EP400: variants seen among roughly 807,000 people sequenced by gnomAD.
EP400 encodes the protein E1A-binding protein p400.
A neutral mutation model predicts 354.1 loss-of-function variants in EP400; 105 were observed. The ratio of observed to expected loss-of-function variants is 0.30; its 90% CI spans 0.25 to 0.35. The LOEUF (loss-of-function observed/expected upper bound fraction) is 0.35, where lower values mean the gene tolerates loss of function less well. Among genes scored for constraint, EP400 ranks in the 10% least tolerant of loss-of-function variants. EP400 has a pLI of 1.00. For synonymous variants in EP400, 1,646 were observed against 1,716.9 expected, an observed-to-expected ratio of 0.96 and a Z score of 1.02; for missense variants, 3,280 against 4,121.0, an observed-to-expected ratio of 0.80 and a Z score of 5.59.
chr12:132,040,452 T>C (rs758025056), intron 32 of EP400, among the ~76,000 whole-genome samples: 8 of 152,202 alleles, frequency 5.3e-5, no homozygotes, highest in South Asian at 2.1e-4. Flanking sequence ...AGCCAGGACA[T>C]GGAATCAACC....
chr12:131,951,242 G>A (rs1891478004), intron 1 of EP400, among the ~76,000 whole-genome samples: 1 of 151,432 alleles, frequency 6.6e-6, no homozygotes, highest in Non-Finnish European at 1.5e-5. Context: ...AGTAGAGACG[G>A]GGTTTCACTG....
At chr12:131,976,714 A>G (rs1397020918) in intron 2 of EP400, among the ~76,000 whole-genome samples, 3 of 152,160 alleles carry the variant, frequency 2.0e-5, no homozygotes, top group African/African-American at 7.2e-5. Context: ...TGTCTCAAAA[A>G]AACAAAAAAC....
At chr12:132,015,703 G>A (rs573867186) in intron 19 of EP400, among the ~76,000 whole-genome samples, 77 of 152,170 alleles carry the variant, frequency 5.1e-4, no homozygotes, top group Non-Finnish European at 8.8e-4. Flanking sequence ...GCAGGAGAGC[G>A]CTTGGACTCC....
intron 12 of EP400, among the ~76,000 whole-genome samples, chr12:132,001,754 C>T (rs1288347735): frequency 6.6e-6 from 1 of 152,224 alleles, no homozygotes; most frequent in African/African-American, 2.4e-5. Flanking sequence ...AAGGCTCGCA[C>T]TCTTGTCTTC....
chr12:132,025,515 G>C lies in EP400; in HGVS notation c.4856-131G>C. 3.6e-6 allele frequency: 4 copies of C among 1,102,628 alleles called. No individual in the cohort carries two copies. The highest frequency in any genetic ancestry group is 5.0e-6 in the Non-Finnish European group (4 of 800,716). The allele number at this position is 1,102,628 out of a possible 1,614,324, so 68.3% of individuals were successfully genotyped here. ...ACTTTCCTCACAGTAACTGAACTTT[G>C]CATTGATTTTTTTGTGTAGATTTGA... On this transcript the variant is annotated intron_variant, in intron 24 of 52. Transcript: ENST00000389561. This position sits in a 1 kb window ranked among gnomAD's most constrained non-coding sequence, Gnocchi z 4.1.
chr12:131,987,674 G>T, intron 6 of EP400, 31 bp from the exon 7 acceptor site: 3 of 1,530,552 alleles, frequency 2.0e-6, no homozygotes, highest in Non-Finnish European at 2.6e-6. Context: ...ATCACATGCC[G>T]ACCCCACCAT....
rs1181710491 is a variant in EP400, at chr12:132,070,877, T to G, written c.9021+1236T>G. ...TTCTGTCTCTGGCTGTTGTACATTTTTGTACATTAGTTTTTTATTCTGGCC... is the reference window on the plus strand; with the variant it reads ...TTCTGTCTCTGGCTGTTGTACATTTGTGTACATTAGTTTTTTATTCTGGCC... On this transcript the variant is annotated intron_variant, in intron 51 of 52. Coordinates refer to ENST00000389561, the MANE Select transcript of EP400 (RefSeq NM_015409.5). The surrounding 1 kb of genome is among the most constrained non-coding windows in gnomAD (Gnocchi z 4.1). 6.6e-6 allele frequency among the ~76,000 whole-genome samples: 1 copy of G among 152,256 alleles called. No homozygotes were observed. Among genetic ancestry groups the G allele is most frequent in the Non-Finnish European group, 1.5e-5 (1 of 68,050 alleles).
rs775617024 is a variant in EP400 at position 132,076,441 on chromosome 12, GA to G, written c.9022-72del. 7 of 1,461,000 alleles carry G rather than the reference GA, an allele frequency of 4.8e-6. No homozygotes were observed. The South Asian group carries it at 8.3e-5, about 17-fold the overall frequency. The allele number at this position is 1,461,000 out of a possible 1,614,324, so 90.5% of individuals were successfully genotyped here. A position where few individuals can be genotyped will look rare whatever the true frequency, so the allele number is the denominator to read the frequency against. ...GTGTTTTTTGCATTAACTGAGGACAGAAAGGGAGGAAAAATCTCTTTTTGTG... is the reference window on the plus strand; with the variant it reads ...GTGTTTTTTGCATTAACTGAGGACAGAAGGGAGGAAAAATCTCTTTTTGTG... On this transcript the variant is annotated intron_variant, in intron 51 of 52. Coordinates refer to ENST00000389561, the MANE Select transcript of EP400 (RefSeq NM_015409.5).
At chr12:131,982,556 C>T (rs1892718288) in intron 5 of EP400, 78 bp downstream of exon 5, 3 of 1,486,958 alleles carry the variant, frequency 2.0e-6, no homozygotes, top group East Asian at 2.3e-5. Flanking sequence ...CAGAGTGTCA[C>T]ACCACACTGT....
intron 3 of EP400, among the ~76,000 whole-genome samples, chr12:131,980,946 C>T (rs1250257964): frequency 6.6e-6 from 1 of 152,218 alleles, no homozygotes; most frequent in Non-Finnish European, 1.5e-5. Flanking sequence ...CAATTGCCCA[C>T]CAAAAGGACA....
Position 132,062,699 on chromosome 12 carries a change from C to G in EP400, c.8332C>G (p.Pro2778Ala), listed in dbSNP as rs1375381161. 6.2e-7 allele frequency: 1 copy of G among 1,613,288 alleles called. No homozygotes were observed. The highest frequency in any genetic ancestry group is 1.3e-5 in the African/African-American group (1 of 74,902). Residue 2778 changes from proline (P) to alanine (A), a missense_variant and splice_region_variant, in exon 47 of 53, where the codon CCG becomes GCG. Physicochemically the swap from Pro to Ala is conservative, Grantham distance 27. Around this residue, in one of 20 missense-constraint regions of EP400, gnomAD observed 47 missense variants for 55.6 expected, o/e 0.85. Transcript: ENST00000389561. ...GATCAAAGCTGTGGGCAAGCTGACG[C>G]CGGTGAGCATTTCCCAGAGGACCAT... ...AQIKAVGKLT[P>A]EHLIKMQKQK...
chr12:132,064,066 C>T (rs1233204108), intron 47 of EP400, among the ~76,000 whole-genome samples: 1 of 147,606 alleles, frequency 6.8e-6, no homozygotes, highest in Admixed American at 6.8e-5. Context: ...TTGTCACCTG[C>T]CCCGGTTCAA....
At chr12:131,960,139 G>A (rs1320718867) in intron 1 of EP400, among the ~76,000 whole-genome samples, 8 of 152,332 alleles carry the variant, frequency 5.3e-5, no homozygotes, top group Middle Eastern at 6.8e-3. Context: ...AGTCCACAGC[G>A]TGAATGTTGG....
At chr12:131,980,966 T>G (rs970909755) in intron 3 of EP400, among the ~76,000 whole-genome samples, 2 of 152,218 alleles carry the variant, frequency 1.3e-5, no homozygotes, top group African/African-American at 4.8e-5. Context: ...AGGGCCAGTT[T>G]TCACTGCCAT....
At chr12:131,958,298 G>A (rs1891770330) in intron 1 of EP400, among the ~76,000 whole-genome samples, 1 of 152,080 alleles carries the variant, frequency 6.6e-6, no homozygotes, top group East Asian at 1.9e-4. Flanking sequence ...GTGGTGGGAG[G>A]GGCATGCTCT....
chr12:132,005,844 A>G (rs750477925), intron 13 of EP400, among the ~76,000 whole-genome samples: 5 of 152,180 alleles, frequency 3.3e-5, no homozygotes, highest in Non-Finnish European at 4.4e-5. Context: ...TGCTATGGAG[A>G]CATTTTCCAA....
In EP400 at chr12:132,027,601, G is replaced by T. The variant is rs1894350747; in HGVS notation, c.5109+70G>T. The stretch of plus-strand genomic sequence containing the variant: ...TTTCCAAGAGCTGCTCGTTGTGTTT[G>T]GTTGTGATATTTAAAGGCTCCTGTG... On this transcript the variant is annotated intron_variant, in intron 26 of 52. Transcript: ENST00000389561. This position sits in a 1 kb window ranked among gnomAD's most constrained non-coding sequence, Gnocchi z 4.9. The T allele has an allele frequency of 3.0e-6, 4 of 1,311,656 alleles. No individual in the cohort carries two copies. The highest frequency in any genetic ancestry group is 2.6e-5 in the Admixed American group (1 of 38,088). 81.3% of individuals were successfully genotyped at this position (1,311,656 alleles called of 1,614,324 possible). A position where few individuals can be genotyped will look rare whatever the true frequency, so the allele number is the denominator to read the frequency against.
At chr12:132,028,414 C>A in intron 27 of EP400, 126 bp downstream of exon 27, 2 of 1,256,066 alleles carry the variant, frequency 1.6e-6, no homozygotes, top group Non-Finnish European at 2.2e-6. Flanking sequence ...CCTTAGCGGT[C>A]TGTTTTGAAG....
intron 15 of EP400, 25 bp downstream of exon 15, chr12:132,006,902 C>T (rs367783434): frequency 1.9e-6 from 3 of 1,613,204 alleles, no homozygotes; most frequent in Non-Finnish European, 2.5e-6. Flanking sequence ...GTTTTTTTAA[C>T]AATACCTATT....
Sources: gnomAD v4.1 joint callset for allele counts (sites outside exome capture counted in the v4.1 genomes callset) on GRCh38, gnomAD v4.1.1 for gene constraint, gnomAD v4.1.1 regional missense constraint, Gnocchi (gnomAD v3.1) non-coding constraint, MANE v1.5 for transcripts, NCBI Gene and HGNC (gene_info 2026-07-23, HGNC 2026-07-21) for gene names.